CIC: variants seen among roughly 807,000 people sequenced by gnomAD.
CIC encodes the protein protein capicua homolog.
A neutral mutation model predicts 115.7 loss-of-function variants in CIC; 18 were observed. The ratio of observed to expected loss-of-function variants is 0.16; its 90% CI spans 0.11 to 0.23. The LOEUF (loss-of-function observed/expected upper bound fraction) is 0.23. Ranked by LOEUF, CIC falls within the 10% of genes least tolerant of loss-of-function variation. The pLI, the probability that CIC is intolerant of heterozygous loss-of-function variation, is 1.00. For missense variants in CIC, 2,000 were observed against 2,159.3 expected (o/e 0.93, Z 1.46); for synonymous variants, 1,076 against 923.0 (o/e 1.17, Z -3.01).
chr19:42,286,572 C>G (rs2037658772), intron 2 of CIC, among the ~76,000 whole-genome samples, 199 bp from the exon 3 acceptor site: 1 of 142,290 alleles, frequency 7.0e-6, no homozygotes, highest in East Asian at 2.1e-4. Context: ...CTTCTGTTTT[C>G]TTTTTTATAA....
chr19:42,293,392 T>TA, intron 16 of CIC, 111 bp downstream of exon 16: 2 of 1,363,558 alleles, frequency 1.5e-6, no homozygotes, highest in Non-Finnish European at 2.0e-6. Context: ...TCTCTCAGGT[T>TA]AAAGGGTCCC....
chr19:42,289,060 A>G lies in CIC; in HGVS notation c.3831A>G (p.Val1277=). The G allele has an allele frequency of 6.2e-7, 1 of 1,613,716 alleles. No homozygotes were observed. Among genetic ancestry groups the G allele is most frequent in the African/African-American group, 1.3e-5 (1 of 75,060 alleles). Residue 1277 remains valine (V), a synonymous_variant, in exon 8 of 21, where the codon GTA becomes GTG. Transcript: ENST00000681038. ...TACACAGCCTGGACGGCGGAGAAGT[A>G]GACAGTCAGGCGCTACAGGAACTGA... ...SGVHSLDGGE[V]DSQALQELTQ...
At position 42,290,663 on chromosome 19, in the gene CIC, T is replaced by A; in HGVS notation, c.4622T>A (p.Val1541Glu). 1 of 1,613,330 alleles carries A rather than the reference T, an allele frequency of 6.2e-7. No homozygotes were observed. Residue 1541 changes from valine (V) to glutamate (E), a missense_variant, in exon 11 of 21, where the codon GTG becomes GAG. Val to Glu is a moderately radical substitution (Grantham distance 121, BLOSUM62 -2). Around this residue, in one of 8 missense-constraint regions of CIC, gnomAD observed 1,466 missense variants for 1,390.4 expected, o/e 1.05. Transcript: ENST00000681038. ...SGGGNILQTL[V>E]LPPNKEEQEG... ...GGAGGAAACATCCTGCAGACACTGG[T>A]GCTGCCCCCAAACAAGGAGGAGCAA...
At position 42,292,567 on chromosome 19, in the gene CIC, A is replaced by G. The variant is rs763626554; in HGVS notation, c.5904A>G (p.Ala1968=). Residue 1968 remains alanine, a splice_region_variant and synonymous_variant, in exon 15 of 21, where the codon GCA becomes GCG. Transcript: ENST00000681038. ...TGCTTCTTCTTCTCTGTCTTTCAGC[A>G]GGCCAAGCCCCACTGCTGGCTCCCG... The part of the protein sequence containing the change: ...GPAFVQPLLS[A]GQAPLLAPGQ... The G allele has an allele frequency of 6.2e-7, 1 of 1,612,918 alleles. No individual in the cohort carries two copies. Among genetic ancestry groups the G allele is most frequent in the African/African-American group, 1.3e-5 (1 of 74,888 alleles).
rs769548116 is a variant in CIC at position 42,292,721 on chromosome 19, C to T, written c.6058C>T (p.Pro2020Ser). 5 of 1,613,792 alleles carry T rather than the reference C, an allele frequency of 3.1e-6. No individual in the cohort carries two copies. The East Asian group carries it at 8.9e-5, about 29-fold the overall frequency. Reference sequence around the variant, plus strand: ...CACCTCCTCAGCACCCCTGGCCCAGCCATCCCAGGCCCCCCCAAGCCTGGT... The same window carrying T: ...CACCTCCTCAGCACCCCTGGCCCAGTCATCCCAGGCCCCCCCAAGCCTGGT... ...APTSSAPLAQ[P>S]SQAPPSLVYT... The change falls in exon 15 of 21, where the codon CCA becomes TCA. Residue 2020 changes from proline (P) to serine (S), a missense_variant. This residue lies in a region of CIC where 1,466 missense variants were observed against 1,390.4 expected (regional missense o/e 1.05). Transcript: ENST00000681038.
Position 42,272,849 on chromosome 19 carries a change from C to A in CIC, c.1066C>A (p.Pro356Thr). The A allele has an allele frequency of 2.5e-6, 1 of 399,268 alleles. No individual in the cohort carries two copies. The highest frequency in any genetic ancestry group is 4.4e-5 in the Admixed American group (1 of 22,738). The allele number at this position is 399,268 out of a possible 1,614,324, so 24.7% of individuals were successfully genotyped here. A position where few individuals can be genotyped will look rare whatever the true frequency, so the allele number is the denominator to read the frequency against. ...ETMLRKPPTGPEEEQAEPGAT... is the reference protein window; with the variant it reads ...ETMLRKPPTGTEEEQAEPGAT... ...CATGCTGAGGAAGCCCCCTACAGGC[C>A]CTGAGGAAGAGCAGGCAGAGCCTGG... Residue 356 changes from proline (P) to threonine (T), a missense_variant, in exon 2 of 21, where the codon CCT becomes ACT. Coordinates refer to ENST00000681038, the MANE Select transcript of CIC (RefSeq NM_001386298.1).
chr19:42,288,458 G>A (rs2037823556), intron 7 of CIC, among the ~76,000 whole-genome samples: 1 of 152,176 alleles, frequency 6.6e-6, no homozygotes, highest in Admixed American at 6.5e-5. Flanking sequence ...GGTGTGCCTG[G>A]CGGTGTTCTG....
chr19:42,289,774 C>G (rs1389257163), intron 9 of CIC, 74 bp from the exon 10 acceptor site: 2 of 1,286,648 alleles, frequency 1.6e-6, no homozygotes, highest in South Asian at 2.5e-5. Context: ...AGCTGAGATC[C>G]AGGCTCCAGA....
Position 42,294,608 on chromosome 19 carries a change from A to C in CIC, c.7059A>C (p.Thr2353=), listed in dbSNP as rs765527339. 1.9e-6 allele frequency: 3 copies of C among 1,613,430 alleles called. No homozygotes were observed. The change falls in exon 20 of 21, where the codon ACA becomes ACC. Residue 2353 remains threonine, a synonymous_variant. Transcript: ENST00000681038. Reference sequence around the variant, plus strand: ...TGCTGCCTGTGCCCTGCACAGGTACAGAAGCCGAGGACGTGCTTGGGGAGC... The same window carrying C: ...TGCTGCCTGTGCCCTGCACAGGTACCGAAGCCGAGGACGTGCTTGGGGAGC... The part of the protein sequence containing the change: ...GDIFTFDRTG[T]EAEDVLGELE...
intron 2 of CIC, chr19:42,284,044 G>A (rs2037411351): frequency 6.7e-6 from 1 of 148,426 alleles, no homozygotes; most frequent in Admixed American, 6.7e-5. Flanking sequence ...GGGGGGAGGG[G>A]AGCGCGTAGT....
Position 42,270,718 on chromosome 19 carries a change from C to T in CIC, c.-10-1056C>T, listed in dbSNP as rs1191771816. ...ATGCATGCAGGCAAGAAGAGGGGGGCTGGGCTTGCGGGTATCACGCTGGGT... is the reference window on the plus strand; with the variant it reads ...ATGCATGCAGGCAAGAAGAGGGGGGTTGGGCTTGCGGGTATCACGCTGGGT... On this transcript the variant is annotated intron_variant, in intron 1 of 20. Coordinates refer to ENST00000681038, the MANE Select transcript of CIC (RefSeq NM_001386298.1). This position sits in a 1 kb window ranked among gnomAD's most constrained non-coding sequence, Gnocchi z 4.1. Among the ~76,000 whole-genome samples, 1 of 152,044 alleles carries T rather than the reference C, an allele frequency of 6.6e-6. No individual in the cohort carries two copies. The highest frequency in any genetic ancestry group is 1.5e-5 in the Non-Finnish European group (1 of 67,988).
rs1459269845 is a variant in CIC at position 42,295,722 on chromosome 19, A to T, written c.*531A>T. Reference sequence around the variant, plus strand: ...GCCCTTGCCCCCTTCCCCAGAACAAAACATGTTGATCATGTGCAATATTTC... The same window carrying T: ...GCCCTTGCCCCCTTCCCCAGAACAATACATGTTGATCATGTGCAATATTTC... On this transcript the variant is annotated 3_prime_UTR_variant, in exon 21 of 21. Transcript: ENST00000681038. The T allele has an allele frequency of 4.5e-6, 1 of 224,710 alleles. No individual in the cohort carries two copies. Among genetic ancestry groups the T allele is most frequent in the African/African-American group, 2.2e-5 (1 of 44,674 alleles). 13.9% of individuals were successfully genotyped at this position (224,710 alleles called of 1,614,324 possible).
At position 42,294,597 on chromosome 19, in the gene CIC, T is replaced by C; in HGVS notation, c.7055-7T>C. The C allele has an allele frequency of 1.2e-6, 2 of 1,613,218 alleles. No homozygotes were observed. The highest frequency in any genetic ancestry group is 1.1e-5 in the South Asian group (1 of 91,078). On this transcript the variant is annotated splice_region_variant and splice_polypyrimidine_tract_variant and intron_variant, in intron 19 of 20. Coordinates refer to ENST00000681038, the MANE Select transcript of CIC (RefSeq NM_001386298.1). ...CAGCCTTGCCATGCTGCCTGTGCCC[T>C]GCACAGGTACAGAAGCCGAGGACGT...
At position 42,292,761 on chromosome 19, in the gene CIC, C is replaced by G. The variant is rs139159580; in HGVS notation, c.6098C>G (p.Thr2033Ser). The change falls in exon 15 of 21, where the codon ACC becomes AGC. Residue 2033 changes from threonine (T) to serine (S), a missense_variant. By Grantham distance (58) the Thr-to-Ser change is moderately conservative. This residue lies in a region of CIC where 1,466 missense variants were observed against 1,390.4 expected (regional missense o/e 1.05). Transcript: ENST00000681038. The part of the protein sequence containing the change: ...APPSLVYTVA[T>S]STTPPAATIL... ...CCAAGCCTGGTCTACACTGTGGCCA[C>G]CAGCACAACCCCACCTGCAGCCACC... The G allele has an allele frequency of 3.7e-6, 6 of 1,613,744 alleles. No individual in the cohort carries two copies. Among genetic ancestry groups the G allele is most frequent in the Non-Finnish European group, 5.1e-6 (6 of 1,179,944 alleles).
intron 14 of CIC, 30 bp from the exon 15 acceptor site, chr19:42,292,536 G>A: frequency 3.1e-6 from 5 of 1,612,340 alleles, no homozygotes; most frequent in Non-Finnish European, 4.2e-6. Flanking sequence ...CCCTAACTTG[G>A]TCTCCTGCTT....
chr19:42,293,400 C>A, intron 16 of CIC, 119 bp downstream of exon 16: 4 of 1,340,942 alleles, frequency 3.0e-6, no homozygotes, highest in Non-Finnish European at 4.1e-6. Flanking sequence ...GTTAAAGGGT[C>A]CCCTCTGTCC....
At position 42,292,185 on chromosome 19, in the gene CIC, G is replaced by A. The variant is rs767062448; in HGVS notation, c.5713G>A (p.Val1905Ile). The A allele has an allele frequency of 1.2e-5, 20 of 1,614,006 alleles. No individual in the cohort carries two copies. The highest frequency in any genetic ancestry group is 7.7e-5 in the South Asian group (7 of 91,080). ...TGGACCCACCTCTCAGCCTCAGAAG[G>A]TCCTGTTGCCCTCCTCCACCAGGTA... is the stretch of plus-strand genomic sequence containing the variant. Reference protein sequence around the residue: ...LPGPTSQPQKVLLPSSTRITY... With the variant: ...LPGPTSQPQKILLPSSTRITY... Residue 1905 changes from valine (V) to isoleucine (I), a missense_variant, in exon 13 of 21, where the codon GTC becomes ATC. By Grantham distance (29) the Val-to-Ile change is conservative (BLOSUM62 3). This residue lies in a region of CIC where 1,466 missense variants were observed against 1,390.4 expected (regional missense o/e 1.05). Coordinates refer to ENST00000681038, the MANE Select transcript of CIC (RefSeq NM_001386298.1).
Position 42,272,727 on chromosome 19 carries a change from C to T in CIC, c.944C>T (p.Pro315Leu), listed in dbSNP as rs549319050. 7.5e-5 allele frequency: 30 copies of T among 398,952 alleles called. No homozygotes were observed. In the South Asian group the frequency reaches 2.2e-3, roughly 29 times the overall value. The allele number at this position is 398,952 out of a possible 1,614,324, so 24.7% of individuals were successfully genotyped here. A position where few individuals can be genotyped will look rare whatever the true frequency, so the allele number is the denominator to read the frequency against. ...SSQPGLPGSL[P>L]QPPQPLHREP... Reference sequence around the variant, plus strand: ...CAGCCAGGCCTACCAGGCAGCCTCCCGCAGCCCCCACAGCCACTGCACCGT... The same window carrying T: ...CAGCCAGGCCTACCAGGCAGCCTCCTGCAGCCCCCACAGCCACTGCACCGT... Residue 315 changes from proline to leucine, a missense_variant, in exon 2 of 21, where the codon CCG becomes CTG. Pro to Leu is a moderately conservative substitution (Grantham distance 98). This residue lies in a region of CIC where 222 missense variants were observed against 247.7 expected (regional missense o/e 0.90). Coordinates refer to ENST00000681038, the MANE Select transcript of CIC (RefSeq NM_001386298.1).
At chr19:42,281,390 G>A (rs1196330740) in intron 2 of CIC, among the ~76,000 whole-genome samples, 3 of 152,330 alleles carry the variant, frequency 2.0e-5, no homozygotes, top group East Asian at 3.9e-4. Flanking sequence ...CCGCCCGCCC[G>A]GGTGGCTGTT....
Sources: allele counts gnomAD v4.1 joint callset (sites outside exome capture counted in the v4.1 genomes callset), GRCh38; gene constraint gnomAD v4.1.1; regional missense constraint gnomAD v4.1.1; non-coding constraint Gnocchi (gnomAD v3.1); transcripts MANE v1.5; gene names NCBI Gene and HGNC (gene_info 2026-07-23, HGNC 2026-07-21).